DOCK8: variants seen among roughly 807,000 people sequenced by gnomAD.
DOCK8 encodes the protein dedicator of cytokinesis 8.
Under a neutral mutation model 245.6 loss-of-function variants are expected in DOCK8, and 141 were observed. The observed-to-expected ratio is 0.57, with a 90% CI of 0.50 to 0.66. The LOEUF is 0.66. Ranked by LOEUF, DOCK8 falls within the 30% of genes least tolerant of loss-of-function variation. DOCK8 has a pLI of 0.00. For missense variants in DOCK8, 2,965 were observed against 2,603.4 expected, an observed-to-expected ratio of 1.14 and a Z score of -3.02; for synonymous variants, 1,168 against 970.2, an observed-to-expected ratio of 1.20 and a Z score of -3.79.
chr9:348,003 G>T (rs1288348224), intron 14 of DOCK8, among the ~76,000 whole-genome samples: 1 of 152,114 alleles, frequency 6.6e-6, no homozygotes, highest in Non-Finnish European at 1.5e-5. Flanking sequence ...TGCCCTTGAA[G>T]TGCAAGACCA....
intron 2 of DOCK8, among the ~76,000 whole-genome samples, chr9:285,512 A>T (rs2048785667): frequency 1.3e-5 from 2 of 152,150 alleles, no homozygotes; most frequent in African/African-American, 4.8e-5. Flanking sequence ...AGACTGCCAT[A>T]AATGAACACT....
At chr9:394,171 C>G (rs2054332375) in intron 24 of DOCK8, among the ~76,000 whole-genome samples, 1 of 152,140 alleles carries the variant, frequency 6.6e-6, no homozygotes, top group Non-Finnish European at 1.5e-5. Context: ...TTGGCCAACT[C>G]CAACTGGAAG....
At chr9:325,006 A>G (rs2050694545) in intron 7 of DOCK8, among the ~76,000 whole-genome samples, 2 of 152,080 alleles carry the variant, frequency 1.3e-5, no homozygotes, top group African/African-American at 4.8e-5. Context: ...TCCAAGGTCC[A>G]TTATACCACT....
upstream of DOCK8, chr9:213,241 C>T (rs531410738): frequency 1.3e-5 from 2 of 152,086 alleles, no homozygotes; most frequent in Non-Finnish European, 2.9e-5. Flanking sequence ...CGGGGAGTTA[C>T]CTAACCAGTA....
intron 1 of DOCK8, among the ~76,000 whole-genome samples, chr9:249,785 T>TC (rs1491401301): frequency 3.4e-5 from 1 of 29,450 alleles, no homozygotes; most frequent in East Asian, 6.0e-3. Flanking sequence ...GCCTGGCTAA[T>TC]TTTTTTTTTT....
chr9:216,119 G>C (rs940833958), intron 1 of DOCK8, among the ~76,000 whole-genome samples: 5 of 152,168 alleles, frequency 3.3e-5, no homozygotes, highest in Admixed American at 1.3e-4. Flanking sequence ...ATTTCCACTT[G>C]ATACGTGACT....
chr9:229,542 G>C (rs1428374229), intron 1 of DOCK8, among the ~76,000 whole-genome samples: 4 of 152,156 alleles, frequency 2.6e-5, no homozygotes, highest in African/African-American at 7.2e-5. Context: ...AGAGAGAGAA[G>C]GTGCCTGAAA....
At position 429,591 on chromosome 9, in the gene DOCK8, T is replaced by G. The variant is rs144675153; in HGVS notation, c.4474-111T>G. On this transcript the variant is annotated intron_variant, in intron 35 of 47. Transcript: ENST00000432829. Reference sequence around the variant, plus strand: ...TCATTATCTTTATGGAATAATGCATTAACTCTTCTAGGCTTTTTGCTTGTC... The same window carrying G: ...TCATTATCTTTATGGAATAATGCATGAACTCTTCTAGGCTTTTTGCTTGTC... The G allele has an allele frequency of 7.3e-4, 965 of 1,315,002 alleles. 12 individuals carry two copies. In the African/African-American group the frequency reaches 0.013, roughly 18 times the overall value. The allele number at this position is 1,315,002 out of a possible 1,614,324, so 81.5% of individuals were successfully genotyped here. A position where few individuals can be genotyped will look rare whatever the true frequency, so the allele number is the denominator to read the frequency against.
chr9:403,139 T>A (rs2131510434), intron 26 of DOCK8, among the ~76,000 whole-genome samples: 1 of 152,346 alleles, frequency 6.6e-6, no homozygotes, highest in South Asian at 2.1e-4. Context: ...TCTGCCTGCC[T>A]CTGCCTCCCG....
At chr9:409,499 A>G (rs1483082199) in intron 28 of DOCK8, among the ~76,000 whole-genome samples, 2 of 152,196 alleles carry the variant, frequency 1.3e-5, no homozygotes, top group East Asian at 1.9e-4. Context: ...TATTTTCTAT[A>G]TAACGTTGAA....
At position 329,261 on chromosome 9, in the gene DOCK8, T is replaced by C. The variant is rs906644600; in HGVS notation, c.1044+1090T>C. Reference sequence around the variant, plus strand: ...GCCACTGTGCCCGGCCGTAAAATCATTGTAAAAACAAAACAACAAATTCAG... The same window carrying C: ...GCCACTGTGCCCGGCCGTAAAATCACTGTAAAAACAAAACAACAAATTCAG... On this transcript the variant is annotated intron_variant, in intron 9 of 47. Transcript: ENST00000432829. Among the ~76,000 whole-genome samples the C allele has an allele frequency of 2.6e-4, 39 of 152,134 alleles. 1 individual carries two copies. The highest frequency in any genetic ancestry group is 4.7e-4 in the Non-Finnish European group (32 of 68,020).
At chr9:360,240 T>C (rs2052658278) in intron 14 of DOCK8, among the ~76,000 whole-genome samples, 1 of 151,490 alleles carries the variant, frequency 6.6e-6, no homozygotes, top group Non-Finnish European at 1.5e-5. Flanking sequence ...TGCTTGATCT[T>C]GGGCAGTGGA....
chr9:400,361 CCATCACCACCTCCTTCACCAT>C lies in DOCK8; in HGVS notation c.3234+1105_3234+1125del, dbSNP rs1439864481. The stretch of plus-strand genomic sequence containing the variant: ...TCCTCCACCACCACCACCTCCTCCA[CCATCACCACCTCCTTCACCAT>C]CACCATCACCACCACCTCCACCATC... On this transcript the variant is annotated intron_variant, in intron 26 of 47. Coordinates refer to ENST00000432829, the MANE Select transcript of DOCK8 (RefSeq NM_203447.4). Among the ~76,000 whole-genome samples, 307 of 102,314 alleles carry C rather than the reference CCATCACCACCTCCTTCACCAT, an allele frequency of 3.0e-3. 9 individuals carry two copies. The highest frequency in any genetic ancestry group is 4.6e-3 in the Middle Eastern group (1 of 216). 67.1% of individuals were successfully genotyped at this position (102,314 alleles called of 152,430 possible).
At chr9:333,490 T>C (rs527294135) in intron 10 of DOCK8, among the ~76,000 whole-genome samples, 3 of 151,888 alleles carry the variant, frequency 2.0e-5, no homozygotes, top group African/African-American at 4.8e-5. Flanking sequence ...ATTCCCAGCT[T>C]CTCAGGAGGC....
intron 33 of DOCK8, 44 bp from the exon 34 acceptor site, chr9:426,841 C>T: frequency 2.6e-6 from 4 of 1,535,226 alleles, no homozygotes; most frequent in Non-Finnish European, 3.6e-6. Context: ...GGAACCTGGC[C>T]AGGTTTGACA....
intron 27 of DOCK8, among the ~76,000 whole-genome samples, chr9:406,325 C>G (rs112092572): frequency 1.4e-3 from 212 of 152,042 alleles, no homozygotes; most frequent in African/African-American, 4.6e-3. Context: ...CTCATATCTA[C>G]TAAAAATACA....
intron 14 of DOCK8, among the ~76,000 whole-genome samples, chr9:348,411 C>G (rs1457453097): frequency 6.6e-6 from 1 of 152,156 alleles, no homozygotes; most frequent in Non-Finnish European, 1.5e-5. Flanking sequence ...ACTCTTGAGT[C>G]CACAGTGCTT....
At chr9:384,969 G>A (rs2053889794) in intron 22 of DOCK8, among the ~76,000 whole-genome samples, 1 of 152,086 alleles carries the variant, frequency 6.6e-6, no homozygotes, top group African/African-American at 2.4e-5. Context: ...TTCACCCCCT[G>A]AGATGCTGAT....
At position 446,564 on chromosome 9, in the gene DOCK8, C is replaced by T. The variant is rs376877796; in HGVS notation, c.5775C>T (p.Phe1925=). 5.0e-5 allele frequency: 81 copies of T among 1,614,224 alleles called. No individual in the cohort carries two copies. The highest frequency in any genetic ancestry group is 6.5e-5 in the Non-Finnish European group (77 of 1,180,034). The change falls in exon 44 of 48, where the codon TTC becomes TTT. Residue 1925 remains phenylalanine (F), a synonymous_variant. Transcript: ENST00000432829. ...RNTVLTTMHA[F]PYIKTRISVI... ...CAGTCCTGACCACTATGCACGCCTTCCCCTACATCAAGACCAGGATCAGCG... is the reference window on the plus strand; with the variant it reads ...CAGTCCTGACCACTATGCACGCCTTTCCCTACATCAAGACCAGGATCAGCG...
Sources: gnomAD v4.1 joint callset for allele counts (sites outside exome capture counted in the v4.1 genomes callset) on GRCh38, gnomAD v4.1.1 for gene constraint, MANE v1.5 for transcripts, NCBI Gene and HGNC (gene_info 2026-07-23, HGNC 2026-07-21) for gene names.